The following ST6GALNAC6 variants were observed in gnomAD, a reference collection of about 807,000 sequenced individuals.
ST6GALNAC6 encodes alpha-N-acetylgalactosaminide alpha-2,6-sialyltransferase 6.
In ST6GALNAC6, 19 loss-of-function variants were observed where a neutral mutation model predicts 34.3. The ratio of observed to expected loss-of-function variants is 0.55; its 90% CI spans 0.39 to 0.81. The LOEUF (loss-of-function observed/expected upper bound fraction) is 0.81, where lower values mean the gene tolerates loss of function less well. Among genes scored for constraint, ST6GALNAC6 ranks in the 40% least tolerant of loss-of-function variants. ST6GALNAC6 has a pLI of 0.00. For synonymous variants in ST6GALNAC6, 185 were observed against 182.1 expected (o/e 1.02, Z -0.13); for missense variants, 377 against 467.7 (o/e 0.81, Z 1.79).
rs779361421 is a variant in ST6GALNAC6 at position 127,890,615 on chromosome 9, G to A, written c.704+22C>T. On this transcript the variant is annotated intron_variant, in intron 5 of 6. Coordinates refer to ENST00000373146, the MANE Select transcript of ST6GALNAC6 (RefSeq NM_013443.5). This position sits in a 1 kb window ranked among gnomAD's most constrained non-coding sequence, Gnocchi z 4.3. ...AGAAGGAGCACAGTGCTGGCCAGAG[G>A]GGGCAGGCAGGAGGCTGGTACCTGT... The A allele has an allele frequency of 3.7e-6, 6 of 1,612,766 alleles. No individual in the cohort carries two copies. The Admixed American group carries it at 8.3e-5, about 22-fold the overall frequency.
At chr9:127,889,444 C>CTTTTTTTT in intron 5 of ST6GALNAC6, among the ~76,000 whole-genome samples, 1 of 139,610 alleles carries the variant, frequency 7.2e-6, no homozygotes, top group African/African-American at 2.6e-5. Flanking sequence ...TCTTTTTTTT[C>CTTTTTTTT]TTTTTTTTTT....
At chr9:127,899,467 GC>G in intron 1 of ST6GALNAC6, 35 bp downstream of exon 1, 1 of 483,722 alleles carries the variant, frequency 2.1e-6, no homozygotes, top group Non-Finnish European at 2.7e-6. Context: ...CTCCGCCCCC[GC>G]CCCCGCGGCC....
Position 127,890,541 on chromosome 9 carries a change from C to G in ST6GALNAC6, c.704+96G>C. On this transcript the variant is annotated intron_variant, in intron 5 of 6. Coordinates refer to ENST00000373146, the MANE Select transcript of ST6GALNAC6 (RefSeq NM_013443.5). This position sits in a 1 kb window ranked among gnomAD's most constrained non-coding sequence, Gnocchi z 4.3. The stretch of plus-strand genomic sequence containing the variant: ...AGGACGGCGGGACTTGACTACCCCT[C>G]AGAGCAGTGCATGCTGGGAGCAACA... 1 of 1,560,740 alleles carries G rather than the reference C, an allele frequency of 6.4e-7. No homozygotes were observed. Among genetic ancestry groups the G allele is most frequent in the Non-Finnish European group, 8.7e-7 (1 of 1,146,146 alleles).
intron 3 of ST6GALNAC6, 70 bp downstream of exon 3, chr9:127,896,172 G>T: frequency 1.3e-6 from 2 of 1,552,076 alleles, no homozygotes; most frequent in South Asian, 1.1e-5. Flanking sequence ...TCTGAGACAG[G>T]TCCAAAGGAA....
Position 127,886,807 on chromosome 9 carries a change from G to T in ST6GALNAC6, c.813-19C>A. 1 of 1,580,800 alleles carries T rather than the reference G, an allele frequency of 6.3e-7. No homozygotes were observed. Among genetic ancestry groups the T allele is most frequent in the Non-Finnish European group, 8.6e-7 (1 of 1,163,756 alleles). ...CCGCTGGCTGGGACAGAGCAGACGG[G>T]CGTCATCAGGGCAAGGTGAGCGCTG... is the stretch of plus-strand genomic sequence containing the variant. On this transcript the variant is annotated intron_variant, in intron 6 of 6. Transcript: ENST00000373146.
chr9:127,892,341 G>C (rs1830197779), intron 4 of ST6GALNAC6, among the ~76,000 whole-genome samples: 1 of 152,172 alleles, frequency 6.6e-6, no homozygotes, highest in Non-Finnish European at 1.5e-5. Context: ...TCCCAAAACT[G>C]AACTCCACCT....
At chr9:127,897,765 T>C (rs1830559859) in intron 2 of ST6GALNAC6, 191 bp downstream of exon 2, 1 of 1,395,904 alleles carries the variant, frequency 7.2e-7, no homozygotes, top group Middle Eastern at 1.9e-4. Flanking sequence ...GCCGCCTATA[T>C]CTTACTACGC....
intron 3 of ST6GALNAC6, 40 bp from the exon 4 acceptor site, chr9:127,894,731 C>A: frequency 6.8e-7 from 1 of 1,479,482 alleles, no homozygotes; most frequent in Non-Finnish European, 8.9e-7. Context: ...AGCTGCCGGG[C>A]AGGCTCAGCG....
intron 3 of ST6GALNAC6, among the ~76,000 whole-genome samples, chr9:127,895,106 C>T (rs899993628): frequency 6.6e-6 from 1 of 152,234 alleles, no homozygotes; most frequent in Non-Finnish European, 1.5e-5. Context: ...AACAGTAACT[C>T]TCCAATGTAT....
intron 1 of ST6GALNAC6, among the ~76,000 whole-genome samples, chr9:127,898,756 A>G (rs1021343586): frequency 2.0e-5 from 3 of 152,240 alleles, no homozygotes; most frequent in Non-Finnish European, 2.9e-5. Flanking sequence ...CCCAGGGCTG[A>G]GCCTGACTTC....
At chr9:127,900,172 C>T (rs574830503), upstream of ST6GALNAC6, among the ~76,000 whole-genome samples, 2 of 152,196 alleles carry the variant, frequency 1.3e-5, no homozygotes, top group Non-Finnish European at 2.9e-5. Context: ...CATCACTCTA[C>T]GTGATAGGGA....
chr9:127,891,727 A>AGGGGAG (rs1019171043), intron 4 of ST6GALNAC6, among the ~76,000 whole-genome samples: 1 of 121,676 alleles, frequency 8.2e-6, no homozygotes, highest in African/African-American at 3.0e-5. Flanking sequence ...GAGAGGGAGA[A>AGGGGAG]GGGGAGGGGG....
chr9:127,891,903 G>A (rs1830167236), intron 4 of ST6GALNAC6, among the ~76,000 whole-genome samples: 1 of 151,980 alleles, frequency 6.6e-6, no homozygotes, highest in Non-Finnish European at 1.5e-5. Flanking sequence ...TGTAATCCCA[G>A]CACTTTGGGA....
upstream of ST6GALNAC6, among the ~76,000 whole-genome samples, chr9:127,900,560 CAA>C (rs71380101): frequency 5.2e-3 from 231 of 44,136 alleles, no homozygotes; most frequent in African/African-American, 0.025. Flanking sequence ...AACTCCGTCT[CAA>C]AAAAAAAAAA....
chr9:127,901,650 G>C (rs190934261), upstream of ST6GALNAC6, among the ~76,000 whole-genome samples: 18 of 145,528 alleles, frequency 1.2e-4, no homozygotes, highest in Non-Finnish European at 2.4e-4. Context: ...AATAAAAATA[G>C]ACCGGGTGCG....
chr9:127,906,344 A>G (rs1208728149), upstream of ST6GALNAC6, among the ~76,000 whole-genome samples: 1 of 152,242 alleles, frequency 6.6e-6, no homozygotes, highest in Admixed American at 6.5e-5. Context: ...TGGAGCTGGC[A>G]GCTAGAACCC....
At chr9:127,906,164 G>T, upstream of ST6GALNAC6, 2 of 297,832 alleles carry the variant, frequency 6.7e-6, no homozygotes, top group Non-Finnish European at 1.0e-5. Flanking sequence ...AGAGTATGCC[G>T]GGTCACCCAG....
intron 1 of ST6GALNAC6, chr9:127,899,274 G>C (rs951460086): frequency 6.5e-6 from 1 of 154,722 alleles, no homozygotes; most frequent in Non-Finnish European, 1.4e-5. Context: ...GACCGCTGAC[G>C]GGGTAGTCGG....
At chr9:127,901,014 A>G (rs920242805), upstream of ST6GALNAC6, among the ~76,000 whole-genome samples, 3 of 150,328 alleles carry the variant, frequency 2.0e-5, no homozygotes, top group Non-Finnish European at 3.0e-5. Flanking sequence ...AAAAAAAAAA[A>G]AAAAAACTGT....
Sources: allele counts gnomAD v4.1 joint callset (sites outside exome capture counted in the v4.1 genomes callset), GRCh38; gene constraint gnomAD v4.1.1; non-coding constraint Gnocchi (gnomAD v3.1); transcripts MANE v1.5; gene names NCBI Gene and HGNC (gene_info 2026-07-23, HGNC 2026-07-21).